Variants in LYST observed in about 807,000 individuals in gnomAD.
The protein encoded by LYST is lysosomal trafficking regulator.
Under a neutral mutation model 413.6 loss-of-function variants are expected in LYST, and 192 were observed. The ratio of observed to expected loss-of-function variants is 0.46; its 90% CI spans 0.41 to 0.52. The LOEUF (loss-of-function observed/expected upper bound fraction) is 0.52. Ranked by LOEUF, LYST falls within the 20% of genes least tolerant of loss-of-function variation. LYST has a pLI of 0.00. For missense variants in LYST, 3,815 were observed against 4,499.9 expected (o/e 0.85, Z 4.35); for synonymous variants, 1,525 against 1,567.3 (o/e 0.97, Z 0.64).
rs1394282912 is a variant in LYST, at chr1:235,759,429, T to C, written c.6424A>G (p.Thr2142Ala). 5 of 1,614,140 alleles carry C rather than the reference T, an allele frequency of 3.1e-6. No homozygotes were observed. In the South Asian group the frequency reaches 5.5e-5, roughly 18 times the overall value. The change falls in exon 23 of 53, where the codon ACC (threonine) becomes GCC (alanine). Residue 2142 changes from threonine (T) to alanine (A), a missense_variant. This residue lies in a region of LYST where 530 missense variants were observed against 696.5 expected (regional missense o/e 0.76). Coordinates refer to ENST00000389793, the MANE Select transcript of LYST (RefSeq NM_000081.4). Reference sequence around the variant, plus strand: ...AAAGAATTTTGTTTCTTTGATTGGGTGGCAACATAAGTATCTGCAATATTT... The same window carrying C: ...AAAGAATTTTGTTTCTTTGATTGGGCGGCAACATAAGTATCTGCAATATTT... ...LQNIADTYVATQSKKQNSLGS... is the reference protein window; with the variant it reads ...LQNIADTYVAAQSKKQNSLGS...
intron 5 of LYST, among the ~76,000 whole-genome samples, chr1:235,808,211 T>C (rs1372477642): frequency 2.6e-5 from 4 of 152,150 alleles, no homozygotes; most frequent in Non-Finnish European, 5.9e-5. Context: ...AATGCATACA[T>C]ACATAAACAA....
intron 1 of LYST, among the ~76,000 whole-genome samples, chr1:235,853,719 G>A (rs1437938427): frequency 1.3e-5 from 2 of 152,106 alleles, no homozygotes; most frequent in African/African-American, 2.4e-5. Context: ...AGGGAGGAGA[G>A]GTTACTCTGG....
chr1:235,863,040 T>G (rs1373139137), intron 1 of LYST, among the ~76,000 whole-genome samples: 1 of 152,110 alleles, frequency 6.6e-6, no homozygotes, highest in Non-Finnish European at 1.5e-5. Context: ...TCATTTCCTT[T>G]GTAATTTTGC....
Position 235,771,802 on chromosome 1 carries a change from A to C in LYST, c.5785-1505T>G, listed in dbSNP as rs369455929. 1.7e-4 allele frequency among the ~76,000 whole-genome samples: 26 copies of C among 152,204 alleles called. No individual in the cohort carries two copies. The East Asian group carries it at 4.8e-3, about 28-fold the overall frequency. On this transcript the variant is annotated intron_variant, in intron 19 of 52. Transcript: ENST00000389793. Reference sequence around the variant, plus strand: ...TACTCTTGAATTGCCTCTTCATGTAACAACAATTTTGTAATATAATTTTCT... The same window carrying C: ...TACTCTTGAATTGCCTCTTCATGTACCAACAATTTTGTAATATAATTTTCT...
intron 45 of LYST, among the ~76,000 whole-genome samples, chr1:235,702,391 T>C (rs1421025878): frequency 6.6e-6 from 1 of 152,206 alleles, no homozygotes; most frequent in Non-Finnish European, 1.5e-5. Flanking sequence ...ATGTGTACAC[T>C]GGCACACCAA....
intron 1 of LYST, among the ~76,000 whole-genome samples, chr1:235,862,517 C>T (rs946321057): frequency 3.9e-5 from 6 of 152,140 alleles, no homozygotes; most frequent in Admixed American, 2.0e-4. Flanking sequence ...TCCCCAAGGC[C>T]GGGTGCGGTG....
At chr1:235,823,424 T>A (rs1239448453) in intron 3 of LYST, among the ~76,000 whole-genome samples, 1 of 152,262 alleles carries the variant, frequency 6.6e-6, no homozygotes, top group Non-Finnish European at 1.5e-5. Context: ...TGCATTATTC[T>A]CCTATTGAAA....
chr1:235,863,287 G>C (rs187025136), intron 1 of LYST, among the ~76,000 whole-genome samples: 1 of 152,076 alleles, frequency 6.6e-6, no homozygotes, highest in Non-Finnish European at 1.5e-5. Context: ...AGCTACTCTG[G>C]AGGCTGAGGC....
chr1:235,751,900 T>C (rs1292362550), intron 27 of LYST, 105 bp downstream of exon 27: 2 of 869,064 alleles, frequency 2.3e-6, no homozygotes, highest in Admixed American at 2.5e-5. Context: ...AAATTAATGT[T>C]AAACTTTTAG....
At chr1:235,771,527 G>A (rs1668666442) in intron 19 of LYST, among the ~76,000 whole-genome samples, 1 of 151,618 alleles carries the variant, frequency 6.6e-6, no homozygotes, top group South Asian at 2.1e-4. Context: ...GATCCAATTT[G>A]TTTACATATG....
chr1:235,675,562 T>C (rs1212745208), intron 50 of LYST, among the ~76,000 whole-genome samples: 5 of 152,182 alleles, frequency 3.3e-5, no homozygotes, highest in African/African-American at 4.8e-5. Flanking sequence ...CAAGCACTTG[T>C]TTCTAACAAC....
At chr1:235,753,385 GT>G in intron 25 of LYST, 111 bp from the exon 26 acceptor site, 1 of 710,714 alleles carries the variant, frequency 1.4e-6, no homozygotes, top group South Asian at 1.6e-5. Flanking sequence ...ATAAAAACAA[GT>G]TGGGGGAGTA....
chr1:235,846,529 T>G (rs1463367732), intron 1 of LYST, among the ~76,000 whole-genome samples: 1 of 152,094 alleles, frequency 6.6e-6, no homozygotes, highest in Non-Finnish European at 1.5e-5. Context: ...AAGAAATCCC[T>G]GATTTACCTG....
rs755287779 is a variant in LYST at position 235,793,570 on chromosome 1, C to T, written c.4049G>A (p.Ser1350Asn). The change falls in exon 11 of 53, where the codon AGT becomes AAT. Residue 1350 changes from serine to asparagine, a missense_variant. By Grantham distance (46) the Ser-to-Asn change is conservative (BLOSUM62 1). Around this residue, in one of 4 missense-constraint regions of LYST, gnomAD observed 1,648 missense variants for 1,810.3 expected, o/e 0.91. Transcript: ENST00000389793. ...TAGCTCTTCTGAACATGTTCTTGAA[C>T]TCATCAAAGATACCAAAAGATCCAC... is the stretch of plus-strand genomic sequence containing the variant. The part of the protein sequence containing the change: ...VLVDLLVSLM[S>N]SRTCSEELTL... The T allele has an allele frequency of 6.2e-7, 1 of 1,603,404 alleles. No homozygotes were observed. The highest frequency in any genetic ancestry group is 1.3e-5 in the African/African-American group (1 of 74,762).
upstream of LYST, among the ~76,000 whole-genome samples, chr1:235,869,720 T>C (rs1389875855): frequency 6.6e-6 from 1 of 152,210 alleles, no homozygotes; most frequent in Non-Finnish European, 1.5e-5. Context: ...GTCACATCTC[T>C]GCTCAAAAAT....
chr1:235,824,566 G>T (rs991528484), intron 3 of LYST, among the ~76,000 whole-genome samples: 27 of 152,118 alleles, frequency 1.8e-4, no homozygotes, highest in Non-Finnish European at 3.5e-4. Context: ...GATAGGCTGG[G>T]CATGGTGGTA....
chr1:235,722,767 A>C (rs151074605), intron 39 of LYST, among the ~76,000 whole-genome samples: 23 of 152,332 alleles, frequency 1.5e-4, no homozygotes, highest in African/African-American at 5.5e-4. Flanking sequence ...TACAGGCATG[A>C]GCCACTGTGC....
chr1:235,766,590 T>A (rs1285487588), intron 20 of LYST, among the ~76,000 whole-genome samples: 2 of 152,166 alleles, frequency 1.3e-5, no homozygotes, highest in African/African-American at 4.8e-5. Flanking sequence ...GCATTCTGGT[T>A]TCTCCACTCA....
Position 235,720,757 on chromosome 1 carries a change from C to A in LYST, c.9464G>T (p.Arg3155Leu). The change falls in exon 40 of 53, where the codon CGA becomes CTA. Residue 3155 changes from arginine to leucine, a missense_variant. Physicochemically the swap from Arg to Leu is moderately radical, Grantham distance 102. This residue lies in a region of LYST where 866 missense variants were observed against 1,156.0 expected (regional missense o/e 0.75). Transcript: ENST00000389793. ...ATACTGCATGAGATCATTGAAGGATCGGCCAGCATGTTTGTTTAAGTGAGT... is the reference window on the plus strand; with the variant it reads ...ATACTGCATGAGATCATTGAAGGATAGGCCAGCATGTTTGTTTAAGTGAGT... ...YLTHLNKHAG[R>L]SFNDLMQYPV... The A allele has an allele frequency of 1.2e-6, 2 of 1,614,056 alleles. No individual in the cohort carries two copies. The highest frequency in any genetic ancestry group is 1.7e-6 in the Non-Finnish European group (2 of 1,179,960).
Sources: allele counts gnomAD v4.1 joint callset (sites outside exome capture counted in the v4.1 genomes callset), GRCh38; gene constraint gnomAD v4.1.1; regional missense constraint gnomAD v4.1.1; transcripts MANE v1.5; gene names NCBI Gene and HGNC (gene_info 2026-07-23, HGNC 2026-07-21).